The following SYNE1 variants were observed in gnomAD, a reference collection of about 807,000 sequenced individuals.
SYNE1 encodes the protein spectrin repeat containing nuclear envelope protein 1.
Under a neutral mutation model 1,111.0 loss-of-function variants are expected in SYNE1, and 616 were observed. The ratio of observed to expected loss-of-function variants is 0.55; its 90% CI spans 0.52 to 0.59. The LOEUF (loss-of-function observed/expected upper bound fraction) is 0.59. Among genes scored for constraint, SYNE1 ranks in the 20% least tolerant of loss-of-function variants. SYNE1 has a pLI of 0.00. For missense variants in SYNE1, 10,006 were observed against 10,417.0 expected (o/e 0.96, Z 1.72); for synonymous variants, 3,855 against 3,825.8 (o/e 1.01, Z -0.28).
Position 152,409,196 on chromosome 6 carries a change from T to C in SYNE1, c.6412A>G (p.Lys2138Glu), listed in dbSNP as rs2097962380. The change falls in exon 44 of 146, where the codon AAA (lysine) becomes GAA (glutamate). Residue 2138 changes from lysine to glutamate, a missense_variant. Lys to Glu is a moderately conservative substitution (Grantham distance 56). Coordinates refer to ENST00000367255, the MANE Select transcript of SYNE1 (RefSeq NM_182961.4). ...GTAAAGTTATCCAAGTCTTTCTGTT[T>C]GTAATTCATTTTGTTCTTGGCAGTT... is the stretch of plus-strand genomic sequence containing the variant. ...HETAKNKMNY[K>E]QKDLDNFTSK... 2.5e-6 allele frequency: 4 copies of C among 1,614,176 alleles called. No homozygotes were observed. Among genetic ancestry groups the C allele is most frequent in the Non-Finnish European group, 3.4e-6 (4 of 1,180,026 alleles).
chr6:152,225,276 C>T (rs902027968), intron 116 of SYNE1, among the ~76,000 whole-genome samples: 22 of 107,678 alleles, frequency 2.0e-4, no homozygotes, highest in African/African-American at 6.4e-4. Flanking sequence ...CTCACATATG[C>T]GCAAACACAC....
intron 137 of SYNE1, chr6:152,147,363 A>G (rs1336355284): frequency 1.3e-5 from 2 of 152,190 alleles, no homozygotes; most frequent in African/African-American, 4.8e-5. Context: ...AAATCTGCAC[A>G]TCCCTGAGGA....
chr6:152,494,459 G>A (rs1199904033), intron 11 of SYNE1, among the ~76,000 whole-genome samples: 1 of 151,948 alleles, frequency 6.6e-6, no homozygotes, highest in African/African-American at 2.4e-5. Context: ...TTGGTTTATT[G>A]ATGGCAGTTC....
chr6:152,450,562 G>GTT, intron 27 of SYNE1, 63 bp downstream of exon 27: 1 of 1,328,510 alleles, frequency 7.5e-7, no homozygotes. Context: ...GTTTTGTCAT[G>GTT]ATCTCCGAAC....
At chr6:152,564,017 G>A (rs2099403277) in intron 3 of SYNE1, among the ~76,000 whole-genome samples, 1 of 151,902 alleles carries the variant, frequency 6.6e-6, no homozygotes, top group African/African-American at 2.4e-5. Flanking sequence ...TAAAGAAAGA[G>A]CCTTACAAAA....
At chr6:152,343,195 C>T (rs1258423895) in intron 74 of SYNE1, among the ~76,000 whole-genome samples, 3 of 149,800 alleles carry the variant, frequency 2.0e-5, no homozygotes, top group South Asian at 4.2e-4. Context: ...CTCTGGTGCC[C>T]AGGCTGGAGT....
intron 93 of SYNE1, 56 bp from the exon 94 acceptor site, chr6:152,294,183 A>T: frequency 6.3e-7 from 1 of 1,578,006 alleles, no homozygotes; most frequent in Non-Finnish European, 8.6e-7. Flanking sequence ...CTAGATTAAT[A>T]TGCTCTGGGT....
chr6:152,299,495 G>A (rs1028608798), intron 93 of SYNE1, among the ~76,000 whole-genome samples: 7 of 152,234 alleles, frequency 4.6e-5, no homozygotes, highest in East Asian at 1.9e-4. Flanking sequence ...AGACTGTCAG[G>A]GCCTTGCAGG....
At chr6:152,595,147 A>C (rs1304997989) in intron 3 of SYNE1, among the ~76,000 whole-genome samples, 1 of 152,220 alleles carries the variant, frequency 6.6e-6, no homozygotes, top group Non-Finnish European at 1.5e-5. Context: ...GGGGAGGACC[A>C]AGTGAACAAT....
At chr6:152,144,873 T>G (rs1172741742) in intron 137 of SYNE1, 1 of 156,550 alleles carries the variant, frequency 6.4e-6, no homozygotes, top group Non-Finnish European at 1.4e-5. Flanking sequence ...TCTTTAATTC[T>G]TCTTGTTTCA....
Position 152,594,020 on chromosome 6 carries a change from C to A in SYNE1, c.67+34245G>T, listed in dbSNP as rs115122270. The stretch of plus-strand genomic sequence containing the variant: ...TTAGATGAGGACAAGATTCTTCCCC[C>A]ACCCCCTGCCTCCGCCCCATCCCAT... On this transcript the variant is annotated intron_variant, in intron 3 of 145. Coordinates refer to ENST00000367255, the MANE Select transcript of SYNE1 (RefSeq NM_182961.4). Among the ~76,000 whole-genome samples the A allele has an allele frequency of 8.3e-3, 1,263 of 152,240 alleles. 12 individuals carry two copies. The highest frequency in any genetic ancestry group is 0.027 in the African/African-American group (1,125 of 41,528).
chr6:152,604,994 A>G (rs12191539), intron 3 of SYNE1, among the ~76,000 whole-genome samples: 12 of 26,940 alleles, frequency 4.5e-4, no homozygotes, highest in South Asian at 3.8e-3. Context: ...GAAAGAAAGA[A>G]AGAAAGAAAG....
At chr6:152,223,321 A>C (rs2080638354) in intron 117 of SYNE1, among the ~76,000 whole-genome samples, 1 of 152,148 alleles carries the variant, frequency 6.6e-6, no homozygotes, top group Non-Finnish European at 1.5e-5. Context: ...CCTAAAAAAA[A>C]TATTTCCTTA....
At chr6:152,580,003 A>G (rs2093500) in intron 3 of SYNE1, among the ~76,000 whole-genome samples, 36,242 of 152,026 alleles carry the variant, frequency 0.24, 4,437 homozygotes, top group Middle Eastern at 0.33. Flanking sequence ...ATGGTAGAAC[A>G]ATTTATATTC....
intron 41 of SYNE1, among the ~76,000 whole-genome samples, chr6:152,414,031 T>C (rs2098115275): frequency 6.6e-6 from 1 of 150,972 alleles, no homozygotes; most frequent in African/African-American, 2.4e-5. Context: ...AAACTTAAAT[T>C]ACCTACTTTG....
intron 115 of SYNE1, among the ~76,000 whole-genome samples, chr6:152,227,234 C>T (rs1056967626): frequency 6.6e-6 from 1 of 152,096 alleles, no homozygotes; most frequent in East Asian, 1.9e-4. Flanking sequence ...AAGACATTTT[C>T]TCCTTACTCC....
At chr6:152,408,015 G>A (rs1037082949) in intron 44 of SYNE1, among the ~76,000 whole-genome samples, 4 of 151,486 alleles carry the variant, frequency 2.6e-5, no homozygotes, top group Admixed American at 2.0e-4. Context: ...TGCCCACCTC[G>A]GTCTCCCAAA....
At chr6:152,317,781 C>T (rs1244540361) in intron 86 of SYNE1, among the ~76,000 whole-genome samples, 1 of 152,146 alleles carries the variant, frequency 6.6e-6, no homozygotes, top group Non-Finnish European at 1.5e-5. Flanking sequence ...TCATAAAACA[C>T]GTTAATGGGT....
At chr6:152,185,947 T>A (rs1439727073) in intron 128 of SYNE1, among the ~76,000 whole-genome samples, 4 of 152,210 alleles carry the variant, frequency 2.6e-5, no homozygotes, top group African/African-American at 9.6e-5. Flanking sequence ...CAAAATCTTG[T>A]CATTATTTTA....
Sources: allele counts gnomAD v4.1 joint callset (sites outside exome capture counted in the v4.1 genomes callset), GRCh38; gene constraint gnomAD v4.1.1; transcripts MANE v1.5; gene names NCBI Gene and HGNC (gene_info 2026-07-23, HGNC 2026-07-21).